The following HSBP1L1 variants were observed in gnomAD, a reference collection of about 807,000 sequenced individuals.
HSBP1L1 encodes the protein heat shock factor-binding protein 1-like protein 1.
In HSBP1L1, 8 loss-of-function variants were observed where a neutral mutation model predicts 9.7. The observed-to-expected ratio is 0.82, with a 90% CI of 0.48 to 1.48. The LOEUF (loss-of-function observed/expected upper bound fraction) is 1.48, where lower values mean the gene tolerates loss of function less well. HSBP1L1 is among the 40% of genes most tolerant of loss of function. The pLI, the probability that HSBP1L1 is intolerant of heterozygous loss-of-function variation, is 0.00. For synonymous variants in HSBP1L1, 39 were observed against 34.4 expected (o/e 1.13, Z -0.46); for missense variants, 106 against 95.8 (o/e 1.11, Z -0.44).
At chr18:79,967,943 C>A in intron 2 of HSBP1L1, 146 bp from the exon 3 acceptor site, 1 of 539,840 alleles carries the variant, frequency 1.9e-6, no homozygotes. Context: ...GGGAAAGAAG[C>A]TGATTTGCAT....
Position 79,964,780 on chromosome 18 carries a change from GGACGCGGTGAGCCCCTCCCC to G in HSBP1L1, c.49_51+17del. The G allele has an allele frequency of 7.2e-7, 1 of 1,395,434 alleles. No homozygotes were observed. Among genetic ancestry groups the G allele is most frequent in the East Asian group, 3.1e-5 (1 of 31,878 alleles). 86.4% of individuals were successfully genotyped at this position (1,395,434 alleles called of 1,614,324 possible). On this transcript the variant is annotated splice_donor_variant and splice_donor_5th_base_variant and coding_sequence_variant and intron_variant, in exon 1 of 4. Coordinates refer to ENST00000451882, the MANE Select transcript of HSBP1L1 (RefSeq NM_001136180.2). LOFTEE classifies it high-confidence loss of function. ...AAGCCCCCGGCGGGCGCGCGCTGCG[GGACGCGGTGAGCCCCTCCCC>G]GACTCCTGCTTCTCTCTGGATGGGG... is the stretch of plus-strand genomic sequence containing the variant.
chr18:79,964,956 G>A (rs2051249415), intron 1 of HSBP1L1, among the ~76,000 whole-genome samples, 170 bp downstream of exon 1: 1 of 146,412 alleles, frequency 6.8e-6, no homozygotes, highest in Non-Finnish European at 1.5e-5. Flanking sequence ...GTGGTCCTGA[G>A]GAGTCCTGAG....
chr18:79,968,837 A>AT (rs2051270392), intron 3 of HSBP1L1, among the ~76,000 whole-genome samples: 1 of 152,000 alleles, frequency 6.6e-6, no homozygotes, highest in Admixed American at 6.6e-5. Flanking sequence ...ACATGCCACA[A>AT]AAGAATGCTA....
At chr18:79,967,969 C>G in intron 2 of HSBP1L1, 120 bp from the exon 3 acceptor site, 1 of 606,722 alleles carries the variant, frequency 1.6e-6, no homozygotes, top group South Asian at 2.1e-5. Flanking sequence ...CTAGGCCTGT[C>G]GTTGATTCCC....
At position 79,964,672 on chromosome 18, in the gene HSBP1L1, C is replaced by A; in HGVS notation, c.-64C>A. ...GGGAATCGCGGAGCTTAGCTGTCGC[C>A]ACCTCGCGCCGGGTCCGCGCGGCCC... On this transcript the variant is annotated 5_prime_UTR_variant, in exon 1 of 4. Transcript: ENST00000451882. The A allele has an allele frequency of 1.1e-6, 1 of 951,742 alleles. No homozygotes were observed. 59.0% of individuals were successfully genotyped at this position (951,742 alleles called of 1,614,324 possible).
intron 2 of HSBP1L1, among the ~76,000 whole-genome samples, chr18:79,967,318 T>A (rs536255675): frequency 6.6e-6 from 1 of 152,230 alleles, no homozygotes; most frequent in East Asian, 1.9e-4. Context: ...AGCATAACAC[T>A]GAAGCACAGG....
At chr18:79,967,333 C>A (rs957946106) in intron 2 of HSBP1L1, among the ~76,000 whole-genome samples, 1 of 152,108 alleles carries the variant, frequency 6.6e-6, no homozygotes, top group African/African-American at 2.4e-5. Flanking sequence ...CACAGGATCC[C>A]AGATACGGCT....
chr18:79,968,419 C>T (rs1014443660), intron 3 of HSBP1L1, among the ~76,000 whole-genome samples: 1 of 152,150 alleles, frequency 6.6e-6, no homozygotes, highest in African/African-American at 2.4e-5. Context: ...CTCCACCTCC[C>T]GGGTTTAAGC....
chr18:79,969,057 C>T lies in HSBP1L1; in HGVS notation c.213+874C>T, dbSNP rs552899374. ...AAAAAAAAATAGCCGGGTGTGGTGG[C>T]GGGCGCCTGTGGTCCCAGCTACTTG... On this transcript the variant is annotated intron_variant, in intron 3 of 3. Transcript: ENST00000451882. Among the ~76,000 whole-genome samples the T allele has an allele frequency of 1.9e-3, 282 of 148,170 alleles. 2 individuals are homozygous for T. The highest frequency in any genetic ancestry group is 6.2e-3 in the African/African-American group (250 of 40,228).
At chr18:79,968,222 G>A in intron 3 of HSBP1L1, 39 bp downstream of exon 3, 3 of 1,172,976 alleles carry the variant, frequency 2.6e-6, no homozygotes, top group South Asian at 1.4e-5. Context: ...GTTTTCGTAT[G>A]TTTTGACTGC....
At chr18:79,969,387 GAAAGA>G (rs1397995196) in intron 3 of HSBP1L1, among the ~76,000 whole-genome samples, 5 of 69,150 alleles carry the variant, frequency 7.2e-5, no homozygotes, top group Non-Finnish European at 9.8e-5. Flanking sequence ...AAGAAAGAAA[GAAAGA>G]AAAAAAAACG....
Position 79,964,759 on chromosome 18 carries a change from C to T in HSBP1L1, c.24C>T (p.Ala8=). The stretch of plus-strand genomic sequence containing the variant: ...ACATGGACGTGCGGGGCCCTGAAGC[C>T]CCCGGCGGGCGCGCGCTGCGGGACG... The part of the protein sequence containing the change: MDVRGPE[A]PGGRALRDAA... Residue 8 remains alanine, a synonymous_variant, in exon 1 of 4, where the codon GCC becomes GCT. Transcript: ENST00000451882. 2 of 1,414,158 alleles carry T rather than the reference C, an allele frequency of 1.4e-6. No individual in the cohort carries two copies. Among genetic ancestry groups the T allele is most frequent in the South Asian group, 1.4e-5 (1 of 69,508 alleles). 87.6% of individuals were successfully genotyped at this position (1,414,158 alleles called of 1,614,324 possible). A position where few individuals can be genotyped will look rare whatever the true frequency, so the allele number is the denominator to read the frequency against.
At chr18:79,966,590 G>A (rs2051258383) in intron 1 of HSBP1L1, 22 bp from the exon 2 acceptor site, 1 of 1,511,428 alleles carries the variant, frequency 6.6e-7, no homozygotes, top group Middle Eastern at 1.7e-4. Flanking sequence ...TTATTCAATT[G>A]TCTTACGGTT....
chr18:79,966,381 TG>T (rs2051257201), intron 1 of HSBP1L1, among the ~76,000 whole-genome samples: 3 of 152,084 alleles, frequency 2.0e-5, no homozygotes, highest in Admixed American at 6.5e-5. Context: ...CCGTCTCTAC[TG>T]AAAGTATAAA....
intron 3 of HSBP1L1, among the ~76,000 whole-genome samples, chr18:79,969,892 C>T (rs1362893612): frequency 6.6e-6 from 1 of 152,194 alleles, no homozygotes; most frequent in East Asian, 1.9e-4. Flanking sequence ...CTATTCTTGT[C>T]TACTTCTTTG....
chr18:79,970,385 T>C (rs1405675943), intron 3 of HSBP1L1, 55 bp from the exon 4 acceptor site: 2 of 718,242 alleles, frequency 2.8e-6, no homozygotes, highest in East Asian at 2.7e-5. Context: ...GGGGTGAACA[T>C]ACTTAATACA....
intron 3 of HSBP1L1, among the ~76,000 whole-genome samples, chr18:79,969,348 AAAG>A (rs2051279817): frequency 2.6e-5 from 1 of 38,450 alleles, no homozygotes; most frequent in Non-Finnish European, 6.4e-5. Flanking sequence ...AGAAAGAAAG[AAAG>A]AAAGAAAGAA....
chr18:79,966,018 G>T (rs1226582447), intron 1 of HSBP1L1, among the ~76,000 whole-genome samples: 2 of 151,988 alleles, frequency 1.3e-5, no homozygotes, highest in Non-Finnish European at 2.9e-5. Context: ...TGCAAGCTCC[G>T]CCTCCCGGGT....
At position 79,964,728 on chromosome 18, in the gene HSBP1L1, C is replaced by T; in HGVS notation, c.-8C>T. On this transcript the variant is annotated 5_prime_UTR_variant, in exon 1 of 4. Transcript: ENST00000451882. ...ACCCCCCACTGACGCCCCCGGCCAG[C>T]GGTCCACATGGACGTGCGGGGCCCT... is the stretch of plus-strand genomic sequence containing the variant. 1 of 1,411,708 alleles carries T rather than the reference C, an allele frequency of 7.1e-7. No individual in the cohort carries two copies. The highest frequency in any genetic ancestry group is 9.2e-7 in the Non-Finnish European group (1 of 1,084,372). 87.4% of individuals were successfully genotyped at this position (1,411,708 alleles called of 1,614,324 possible).
Sources: gnomAD v4.1 joint callset for allele counts (sites outside exome capture counted in the v4.1 genomes callset) on GRCh38, gnomAD v4.1.1 for gene constraint, MANE v1.5 for transcripts, NCBI Gene and HGNC (gene_info 2026-07-23, HGNC 2026-07-21) for gene names.